Variants in RIMBP2 observed in about 807,000 individuals in gnomAD.
RIMBP2 encodes the protein RIMS-binding protein 2.
In RIMBP2, 48 loss-of-function variants were observed where a neutral mutation model predicts 118.6. The observed-to-expected ratio is 0.40, with a 90% CI of 0.32 to 0.51. The LOEUF is 0.51. Ranked by LOEUF, RIMBP2 falls within the 20% of genes least tolerant of loss-of-function variation. The pLI is 0.41. For synonymous variants in RIMBP2, 762 were observed against 742.9 expected (o/e 1.03, Z -0.42); for missense variants, 1,551 against 1,768.3 (o/e 0.88, Z 2.20).
At chr12:130,614,530 A>G (rs975759955) in intron 2 of RIMBP2, among the ~76,000 whole-genome samples, 1 of 152,174 alleles carries the variant, frequency 6.6e-6, no homozygotes. Flanking sequence ...CTGAGAAACC[A>G]TCTCTTGGAG....
chr12:130,636,176 C>T (rs1341314330), intron 1 of RIMBP2, among the ~76,000 whole-genome samples: 1 of 152,208 alleles, frequency 6.6e-6, no homozygotes, highest in African/African-American at 2.4e-5. Flanking sequence ...CTGGTCTATA[C>T]TCCTTGTCCC....
In RIMBP2 at chr12:130,630,216, A is replaced by C. The variant is rs113070445; in HGVS notation, c.-351-1760T>G. On this transcript the variant is annotated intron_variant, in intron 1 of 22. Coordinates refer to ENST00000690449, the MANE Select transcript of RIMBP2 (RefSeq NM_001393629.1). The stretch of plus-strand genomic sequence containing the variant: ...CCAGGAGGTCTAACTTTTACCAATA[A>C]GGTTTCTAGAAAGAGAAAATAATAA... Among the ~76,000 whole-genome samples, 1,294 of 152,048 alleles carry C rather than the reference A, an allele frequency of 8.5e-3. 19 individuals carry two copies. Among genetic ancestry groups the C allele is most frequent in the African/African-American group, 0.029 (1,203 of 41,556 alleles).
In RIMBP2 at chr12:130,684,480, A is replaced by G. The variant is rs903926930; in HGVS notation, c.-352+31742T>C. Among the ~76,000 whole-genome samples, 17 of 152,048 alleles carry G rather than the reference A, an allele frequency of 1.1e-4. No individual in the cohort carries two copies. In the South Asian group the frequency reaches 1.5e-3, roughly 13 times the overall value. ...TTTTTGTCAAAGGCGTTCAAACCAT[A>G]GCGACTCCATCTTGAGTGAGAGCTA... On this transcript the variant is annotated intron_variant, in intron 1 of 22. Coordinates refer to ENST00000690449, the MANE Select transcript of RIMBP2 (RefSeq NM_001393629.1).
chr12:130,490,977 C>T (rs899618623), intron 4 of RIMBP2, among the ~76,000 whole-genome samples: 1 of 152,132 alleles, frequency 6.6e-6, no homozygotes, highest in Admixed American at 6.5e-5. Flanking sequence ...CAATCAAAAC[C>T]CACGTTAGTG....
At position 130,451,351 on chromosome 12, in the gene RIMBP2, A is replaced by C; in HGVS notation, c.359-11T>G. On this transcript the variant is annotated splice_polypyrimidine_tract_variant and intron_variant, in intron 7 of 22. Coordinates refer to ENST00000690449, the MANE Select transcript of RIMBP2 (RefSeq NM_001393629.1). Reference sequence around the variant, plus strand: ...TAGCGCTCTCCTGACCTGGCCACGAACATTAAAACAAGTTGAAACAAATAT... The same window carrying C: ...TAGCGCTCTCCTGACCTGGCCACGACCATTAAAACAAGTTGAAACAAATAT... 1 of 1,590,662 alleles carries C rather than the reference A, an allele frequency of 6.3e-7. No individual in the cohort carries two copies. Among genetic ancestry groups the C allele is most frequent in the Middle Eastern group, 1.7e-4 (1 of 5,982 alleles).
Position 130,628,447 on chromosome 12 carries a change from C to T in RIMBP2, c.-342G>A, listed in dbSNP as rs1053991169. On this transcript the variant is annotated 5_prime_UTR_variant, in exon 2 of 23. An upstream start codon of the reference 5' UTR is lost. Coordinates refer to ENST00000690449, the MANE Select transcript of RIMBP2 (RefSeq NM_001393629.1). ...CCTGCAGGCTTCAGGTGTGGCGGGT[C>T]ATTTCCAAGCTGCGGGAAGAAGTAG... The T allele has an allele frequency of 6.6e-6, 1 of 152,176 alleles. No individual in the cohort carries two copies. The highest frequency in any genetic ancestry group is 2.4e-5 in the African/African-American group (1 of 41,434). The allele number at this position is 152,176 out of a possible 1,614,324, so 9.4% of individuals were successfully genotyped here.
At chr12:130,678,521 T>A (rs2064612250) in intron 1 of RIMBP2, among the ~76,000 whole-genome samples, 4 of 151,298 alleles carry the variant, frequency 2.6e-5, no homozygotes. Context: ...GGATTGCACT[T>A]TTTTTTTTCT....
At position 130,623,237 on chromosome 12, in the gene RIMBP2, T is replaced by C. The variant is rs893890914; in HGVS notation, c.-217+5085A>G. Among the ~76,000 whole-genome samples, 5 of 152,224 alleles carry C rather than the reference T, an allele frequency of 3.3e-5. No homozygotes were observed. Among genetic ancestry groups the C allele is most frequent in the East Asian group, 3.9e-4 (2 of 5,194 alleles). ...CTTTTTCTATATATTTCAACACTTATACAAATAGAAGCACTTTTATTTTAC... is the reference window on the plus strand; with the variant it reads ...CTTTTTCTATATATTTCAACACTTACACAAATAGAAGCACTTTTATTTTAC... On this transcript the variant is annotated intron_variant, in intron 2 of 22. Coordinates refer to ENST00000690449, the MANE Select transcript of RIMBP2 (RefSeq NM_001393629.1). The surrounding 1 kb of genome is among the most constrained non-coding windows in gnomAD (Gnocchi z 4.1).
intron 13 of RIMBP2, among the ~76,000 whole-genome samples, chr12:130,436,166 G>C (rs2077496547): frequency 6.6e-6 from 1 of 152,210 alleles, no homozygotes; most frequent in South Asian, 2.1e-4. Context: ...CTGCACGGGG[G>C]GCATTGCTCT....
intron 2 of RIMBP2, among the ~76,000 whole-genome samples, chr12:130,527,743 C>G (rs1325699190): frequency 1.8e-5 from 2 of 114,202 alleles, no homozygotes; most frequent in Admixed American, 1.8e-4. Flanking sequence ...AACAGACTTA[C>G]AAGAGAAAAA....
intron 1 of RIMBP2, among the ~76,000 whole-genome samples, chr12:130,664,415 A>ACGCACGCACACATGCACACACACGCACG (rs1195044326): frequency 3.1e-5 from 4 of 130,590 alleles, no homozygotes; most frequent in Non-Finnish European, 6.7e-5. Context: ...ACGCACGCAC[A>ACGCACGCACACATGCACACACACGCACG]CACACGCACA....
chr12:130,497,159 C>A (rs554513104), intron 4 of RIMBP2, among the ~76,000 whole-genome samples: 29 of 152,312 alleles, frequency 1.9e-4, no homozygotes, highest in African/African-American at 6.5e-4. Context: ...TGAACGAGGG[C>A]CCTCCCTGAT....
intron 2 of RIMBP2, among the ~76,000 whole-genome samples, chr12:130,587,176 A>G (rs2058944760): frequency 6.6e-6 from 1 of 151,166 alleles, no homozygotes; most frequent in African/African-American, 2.4e-5. Flanking sequence ...AAGTCAGGAA[A>G]TAACAGGTGC....
chr12:130,456,767 T>C (rs2137515678), intron 6 of RIMBP2, 67 bp from the exon 7 acceptor site: 1 of 1,230,660 alleles, frequency 8.1e-7, no homozygotes, highest in East Asian at 2.5e-5. Flanking sequence ...TGTGCGCCTG[T>C]TCACATGTGT....
intron 2 of RIMBP2, among the ~76,000 whole-genome samples, chr12:130,613,815 A>G (rs542075802): frequency 1.8e-3 from 263 of 149,132 alleles, no homozygotes; most frequent in Non-Finnish European, 7.9e-4. Flanking sequence ...CTCTGTCTCA[A>G]AAAAAAAAAA....
chr12:130,484,088 C>A (rs1463919258), intron 4 of RIMBP2, among the ~76,000 whole-genome samples: 1 of 152,216 alleles, frequency 6.6e-6, no homozygotes, highest in African/African-American at 2.4e-5. Context: ...TCTCCAGAGT[C>A]TGCCGGCGAC....
chr12:130,405,906 T>C (rs1261650818), intron 21 of RIMBP2, among the ~76,000 whole-genome samples: 1 of 152,226 alleles, frequency 6.6e-6, no homozygotes, highest in Non-Finnish European at 1.5e-5. Context: ...AATAAGAATA[T>C]GAATGTATTT....
At chr12:130,613,153 C>T (rs1357174065) in intron 2 of RIMBP2, among the ~76,000 whole-genome samples, 1 of 152,212 alleles carries the variant, frequency 6.6e-6, no homozygotes, top group African/African-American at 2.4e-5. Context: ...AGGACACCAG[C>T]CAGAAGGCCA....
intron 20 of RIMBP2, among the ~76,000 whole-genome samples, chr12:130,406,930 C>T (rs1051246685): frequency 3.3e-5 from 5 of 152,202 alleles, no homozygotes; most frequent in Admixed American, 6.5e-5. Flanking sequence ...CGTAAGCCAC[C>T]GCACCCAGCC....
Sources: gnomAD v4.1 joint callset for allele counts (sites outside exome capture counted in the v4.1 genomes callset) on GRCh38, gnomAD v4.1.1 for gene constraint, Gnocchi (gnomAD v3.1) non-coding constraint, MANE v1.5 for transcripts, NCBI Gene and HGNC (gene_info 2026-07-23, HGNC 2026-07-21) for gene names.